The following RGS7 variants were observed in gnomAD, a reference collection of about 807,000 sequenced individuals.
The protein encoded by RGS7 is regulator of G-protein signaling 7.
A neutral mutation model predicts 81.1 loss-of-function variants in RGS7; 27 were observed. That is an observed-to-expected ratio of 0.33 (90% confidence interval 0.25 to 0.46). The LOEUF (loss-of-function observed/expected upper bound fraction) is 0.46. RGS7 is among the 20% of genes least tolerant of loss of function. The pLI is 1.00. For missense variants in RGS7, 396 were observed against 607.4 expected (o/e 0.65, Z 3.66); for synonymous variants, 208 against 207.7 (o/e 1.00, Z -0.01).
intron 4 of RGS7, among the ~76,000 whole-genome samples, chr1:240,966,254 G>A (rs140596365): frequency 1.4e-4 from 22 of 152,142 alleles, no homozygotes; most frequent in African/African-American, 5.1e-4. Flanking sequence ...TTATTTGCAG[G>A]ATGTCATGAC....
chr1:241,124,367 C>G (rs1558747717), intron 2 of RGS7, among the ~76,000 whole-genome samples: 1 of 152,026 alleles, frequency 6.6e-6, no homozygotes, highest in Non-Finnish European at 1.5e-5. Flanking sequence ...GCACTCCAGC[C>G]TGGGTGACAG....
intron 2 of RGS7, among the ~76,000 whole-genome samples, chr1:241,258,225 A>C (rs1362668965): frequency 6.6e-6 from 1 of 152,134 alleles, no homozygotes; most frequent in East Asian, 1.9e-4. Context: ...CACTTCAATA[A>C]TCTCAGTGAA....
intron 2 of RGS7, among the ~76,000 whole-genome samples, chr1:241,226,601 C>T (rs998973158): frequency 3.3e-5 from 5 of 152,246 alleles, no homozygotes; most frequent in Non-Finnish European, 7.4e-5. Flanking sequence ...AGGTAAAAGA[C>T]AATCAACAAT....
At chr1:241,335,904 A>G (rs1305905106) in intron 2 of RGS7, among the ~76,000 whole-genome samples, 1 of 152,044 alleles carries the variant, frequency 6.6e-6, no homozygotes, top group Non-Finnish European at 1.5e-5. Flanking sequence ...CTAGTGCACC[A>G]CTACTGATAC....
At chr1:240,878,485 C>CTTTTTTTTTTTT (rs1558400005) in intron 6 of RGS7, among the ~76,000 whole-genome samples, 1 of 90,384 alleles carries the variant, frequency 1.1e-5, no homozygotes, top group Non-Finnish European at 2.4e-5. Context: ...TTTCTTTTTT[C>CTTTTTTTTTTTT]TTTCTTTTTT....
chr1:241,349,007 A>C (rs2083075254), intron 2 of RGS7, among the ~76,000 whole-genome samples: 1 of 14,764 alleles, frequency 6.8e-5, no homozygotes, highest in South Asian at 0.05. Context: ...AATAAGATAA[A>C]ATGATAATAA....
At chr1:240,827,306 A>G (rs1418329131) in intron 9 of RGS7, 134 bp from the exon 10 acceptor site, 4 of 740,296 alleles carry the variant, frequency 5.4e-6, no homozygotes, top group African/African-American at 3.5e-5. Flanking sequence ...TGTTTTCTAG[A>G]TGGCCACAGC....
chr1:240,864,461 T>C (rs16840881), intron 9 of RGS7, among the ~76,000 whole-genome samples: 19,970 of 152,216 alleles, frequency 0.13, 1,643 homozygotes, highest in African/African-American at 0.23. Flanking sequence ...AAAAGTTTCA[T>C]AGGTGGGTAA....
chr1:241,136,823 C>T (rs569838134), intron 2 of RGS7, among the ~76,000 whole-genome samples: 3 of 152,256 alleles, frequency 2.0e-5, no homozygotes, highest in Non-Finnish European at 2.9e-5. Context: ...AATGCTTTGG[C>T]GTCCAGGCTA....
chr1:240,905,768 G>T (rs72756849), intron 6 of RGS7, among the ~76,000 whole-genome samples: 17,480 of 152,104 alleles, frequency 0.11, 1,195 homozygotes, highest in Middle Eastern at 0.18. Flanking sequence ...ACGCTGAAGG[G>T]TAAAGTTTGT....
intron 2 of RGS7, among the ~76,000 whole-genome samples, chr1:241,246,076 C>T (rs1161629015): frequency 6.6e-6 from 1 of 152,172 alleles, no homozygotes; most frequent in Admixed American, 6.5e-5. Flanking sequence ...TGCCCTCCAG[C>T]CTGGGGGACA....
chr1:241,026,845 G>A (rs1435240866), intron 3 of RGS7, among the ~76,000 whole-genome samples: 2 of 151,914 alleles, frequency 1.3e-5, no homozygotes, highest in East Asian at 3.9e-4. Context: ...TAAACTAAGT[G>A]GGCTTAGAGG....
intron 9 of RGS7, among the ~76,000 whole-genome samples, chr1:240,856,481 A>AT (rs1211148244): frequency 2.0e-5 from 3 of 152,198 alleles, no homozygotes; most frequent in East Asian, 3.9e-4. Context: ...TAATGCACAG[A>AT]TTTTTTTCAG....
chr1:241,228,712 T>C (rs2075472089), intron 2 of RGS7, among the ~76,000 whole-genome samples: 1 of 152,128 alleles, frequency 6.6e-6, no homozygotes, highest in Non-Finnish European at 1.5e-5. Context: ...TCTGAAGCTC[T>C]TTCCAAAATA....
At chr1:240,990,157 T>G (rs1452708396) in intron 3 of RGS7, among the ~76,000 whole-genome samples, 1 of 152,180 alleles carries the variant, frequency 6.6e-6, no homozygotes, top group Non-Finnish European at 1.5e-5. Flanking sequence ...TGGATCACTG[T>G]GCATAAAAAT....
chr1:240,797,091 T>C (rs1320612667), intron 18 of RGS7, among the ~76,000 whole-genome samples: 1 of 152,160 alleles, frequency 6.6e-6, no homozygotes, highest in Non-Finnish European at 1.5e-5. Context: ...ACAAAACCAG[T>C]GTGTTACACA....
intron 2 of RGS7, among the ~76,000 whole-genome samples, chr1:241,171,043 A>T (rs188611961): frequency 5.9e-5 from 9 of 152,306 alleles, no homozygotes; most frequent in Middle Eastern, 3.4e-3. Flanking sequence ...TCAGGAAAAA[A>T]ATTATTGCTT....
intron 2 of RGS7, among the ~76,000 whole-genome samples, chr1:241,347,087 A>T (rs748258521): frequency 6.6e-6 from 1 of 152,186 alleles, no homozygotes; most frequent in Non-Finnish European, 1.5e-5. Flanking sequence ...CTATGAAACC[A>T]GTTTGGCTGA....
chr1:241,081,786 A>G (rs75300085), intron 3 of RGS7, among the ~76,000 whole-genome samples: 4,512 of 152,334 alleles, frequency 0.03, 252 homozygotes, highest in African/African-American at 0.1. Flanking sequence ...ATTTTGGTCC[A>G]TCATTAATGA....
Sources: gnomAD v4.1 joint callset for allele counts (sites outside exome capture counted in the v4.1 genomes callset) on GRCh38, gnomAD v4.1.1 for gene constraint, MANE v1.5 for transcripts, NCBI Gene and HGNC (gene_info 2026-07-23, HGNC 2026-07-21) for gene names.